The following ADAMTS6 variants were observed in gnomAD, a reference collection of about 807,000 sequenced individuals.
The protein encoded by ADAMTS6 is A disintegrin and metalloproteinase with thrombospondin motifs 6.
ADAMTS6 carries 23 observed loss-of-function variants against 144.3 expected under a neutral mutation model. That is an observed-to-expected ratio of 0.16 (90% confidence interval 0.11 to 0.23). ADAMTS6 has a LOEUF of 0.23. Among genes scored for constraint, ADAMTS6 ranks in the 10% least tolerant of loss-of-function variants. The probability of loss-of-function intolerance (pLI) is 1.00; values close to 1 mark genes in which losing one functional copy is unlikely to be tolerated. For synonymous variants in ADAMTS6, 444 were observed against 457.5 expected, an observed-to-expected ratio of 0.97 and a Z score of 0.38; for missense variants, 999 against 1,379.6, an observed-to-expected ratio of 0.72 and a Z score of 4.37.
intron 7 of ADAMTS6, among the ~76,000 whole-genome samples, chr5:65,380,331 G>C (rs1751936344): frequency 6.6e-6 from 1 of 151,980 alleles, no homozygotes; most frequent in Non-Finnish European, 1.5e-5. Context: ...CAGCACTTTG[G>C]GAGGCCAAGG....
At chr5:65,229,253 A>G (rs1318593799) in intron 15 of ADAMTS6, among the ~76,000 whole-genome samples, 1 of 152,230 alleles carries the variant, frequency 6.6e-6, no homozygotes, top group Non-Finnish European at 1.5e-5. Flanking sequence ...GGTGTGGAGT[A>G]GGGACATCCA....
At chr5:65,235,584 A>G (rs1758606249) in intron 15 of ADAMTS6, among the ~76,000 whole-genome samples, 1 of 151,180 alleles carries the variant, frequency 6.6e-6, no homozygotes, top group Non-Finnish European at 1.5e-5. Context: ...AAGCAGGCAG[A>G]AAAATGTGAA....
chr5:65,309,481 C>T (rs994976028), intron 9 of ADAMTS6, among the ~76,000 whole-genome samples: 1 of 98,176 alleles, frequency 1.0e-5, no homozygotes, highest in African/African-American at 3.9e-5. Context: ...GGGGAGGGGG[C>T]AAAGGGGGCA....
intron 9 of ADAMTS6, among the ~76,000 whole-genome samples, chr5:65,319,286 A>T (rs1238172460): frequency 6.6e-6 from 1 of 152,116 alleles, no homozygotes; most frequent in Non-Finnish European, 1.5e-5. Flanking sequence ...AAAATCAATG[A>T]TTCAAACTTC....
At chr5:65,429,266 C>G (rs75238724) in intron 7 of ADAMTS6, among the ~76,000 whole-genome samples, 1,850 of 152,234 alleles carry the variant, frequency 0.012, 26 homozygotes, top group East Asian at 0.083. Context: ...CTGAGTTCCC[C>G]CCAGTTTATT....
intron 7 of ADAMTS6, among the ~76,000 whole-genome samples, chr5:65,438,345 T>C (rs2047066): frequency 0.39 from 59,735 of 151,932 alleles, 12,095 homozygotes; most frequent in South Asian, 0.44. Context: ...CTGGCCAACA[T>C]AGCTAAACCC....
chr5:65,470,602 A>T (rs1417745743), intron 3 of ADAMTS6, among the ~76,000 whole-genome samples, 176 bp downstream of exon 3: 1 of 152,214 alleles, frequency 6.6e-6, no homozygotes, highest in East Asian at 1.9e-4. Context: ...TCAATACATT[A>T]TTAAAAAGAA....
chr5:65,481,028 T>C lies in ADAMTS6; in HGVS notation c.-280+315A>G, dbSNP rs760868409. Among the ~76,000 whole-genome samples the C allele has an allele frequency of 6.2e-4, 94 of 152,244 alleles. 1 individual carries two copies. Among genetic ancestry groups the C allele is most frequent in the Non-Finnish European group, 1.0e-3 (71 of 68,012 alleles). ...TTCCGGATTACTATTTGGTGATCAG[T>C]TAAAAGATTACAATAATCATAATCA... On this transcript the variant is annotated intron_variant, in intron 1 of 24. Transcript: ENST00000381055.
At chr5:65,445,852 T>C (rs534059762) in intron 7 of ADAMTS6, among the ~76,000 whole-genome samples, 1 of 152,218 alleles carries the variant, frequency 6.6e-6, no homozygotes, top group East Asian at 1.9e-4. Flanking sequence ...TGAGAGACCC[T>C]GTCTCAAGAA....
intron 7 of ADAMTS6, among the ~76,000 whole-genome samples, chr5:65,399,813 A>G (rs1031019326): frequency 6.6e-6 from 1 of 152,206 alleles, no homozygotes. Flanking sequence ...CAATAATAGT[A>G]AAATTGAAGT....
chr5:65,278,583 T>C (rs1201789284), intron 11 of ADAMTS6, among the ~76,000 whole-genome samples: 1 of 152,216 alleles, frequency 6.6e-6, no homozygotes, highest in African/African-American at 2.4e-5. Flanking sequence ...TGATTAGTGA[T>C]GTTGAGCATT....
At chr5:65,244,123 T>C (rs559833591) in intron 14 of ADAMTS6, among the ~76,000 whole-genome samples, 3 of 152,238 alleles carry the variant, frequency 2.0e-5, no homozygotes, top group African/African-American at 4.8e-5. Flanking sequence ...CAAAGTATTA[T>C]AGAAATTGTT....
At chr5:65,414,534 C>T (rs1755339062) in intron 7 of ADAMTS6, among the ~76,000 whole-genome samples, 1 of 151,912 alleles carries the variant, frequency 6.6e-6, no homozygotes, top group African/African-American at 2.4e-5. Context: ...ACATAAACAG[C>T]TATAATATTA....
rs374516386 is a variant in ADAMTS6, at chr5:65,244,278, T to C, written c.1831-2072A>G. On this transcript the variant is annotated intron_variant, in intron 14 of 24. Transcript: ENST00000381055. Reference sequence around the variant, plus strand: ...AGCTAGATGAAAGAGATGAACTATATAGAAGCATAAGAGGAAATGATATTT... The same window carrying C: ...AGCTAGATGAAAGAGATGAACTATACAGAAGCATAAGAGGAAATGATATTT... Among the ~76,000 whole-genome samples the C allele has an allele frequency of 3.9e-5, 6 of 152,074 alleles. No homozygotes were observed. In the South Asian group the frequency reaches 8.3e-4, roughly 21 times the overall value.
chr5:65,455,437 T>C (rs1759109233), intron 4 of ADAMTS6, among the ~76,000 whole-genome samples: 1 of 151,896 alleles, frequency 6.6e-6, no homozygotes, highest in Non-Finnish European at 1.5e-5. Context: ...AGCTGCTCAG[T>C]AGGCTGAGGC....
intron 7 of ADAMTS6, among the ~76,000 whole-genome samples, chr5:65,356,917 T>C (rs1749373794): frequency 6.6e-6 from 1 of 151,886 alleles, no homozygotes; most frequent in South Asian, 2.1e-4. Flanking sequence ...AGCTTCTTAT[T>C]TTAAATGAAG....
chr5:65,369,801 T>A (rs1750672163), intron 7 of ADAMTS6, among the ~76,000 whole-genome samples: 1 of 152,190 alleles, frequency 6.6e-6, no homozygotes, highest in Non-Finnish European at 1.5e-5. Flanking sequence ...CCCTTATATT[T>A]TTCCATATTG....
At chr5:65,371,002 C>T (rs1173222811) in intron 7 of ADAMTS6, among the ~76,000 whole-genome samples, 2 of 152,212 alleles carry the variant, frequency 1.3e-5, no homozygotes, top group African/African-American at 4.8e-5. Flanking sequence ...AGGCACCCCC[C>T]AGCAGGGGCA....
chr5:65,183,997 T>C lies in ADAMTS6; in HGVS notation c.2910+4019A>G, dbSNP rs59119590. On this transcript the variant is annotated intron_variant, in intron 22 of 24. Coordinates refer to ENST00000381055, the MANE Select transcript of ADAMTS6 (RefSeq NM_197941.4). Reference sequence around the variant, plus strand: ...ATTATAAAATTTAGAAGACTAGTGGTCAGTCTATTCTTTAGTAAAATTATT... The same window carrying C: ...ATTATAAAATTTAGAAGACTAGTGGCCAGTCTATTCTTTAGTAAAATTATT... Among the ~76,000 whole-genome samples the C allele has an allele frequency of 1.8e-3, 275 of 152,332 alleles. 2 individuals are homozygous for C. The highest frequency in any genetic ancestry group is 6.4e-3 in the African/African-American group (266 of 41,578).
Sources: allele counts gnomAD v4.1 joint callset (sites outside exome capture counted in the v4.1 genomes callset), GRCh38; gene constraint gnomAD v4.1.1; transcripts MANE v1.5; gene names NCBI Gene and HGNC (gene_info 2026-07-23, HGNC 2026-07-21).